ROBO1: variants seen among roughly 807,000 people sequenced by gnomAD.
ROBO1 encodes roundabout homolog 1.
A neutral mutation model predicts 195.9 loss-of-function variants in ROBO1; 149 were observed. That is an observed-to-expected ratio of 0.76 (90% CI 0.67 to 0.87). ROBO1 has a LOEUF of 0.87. Ranked by LOEUF, ROBO1 falls within the 40% of genes least tolerant of loss-of-function variation. ROBO1 has a pLI of 0.00. For missense variants in ROBO1, 1,933 were observed against 2,068.3 expected (o/e 0.93, Z 1.27); for synonymous variants, 816 against 733.2 (o/e 1.11, Z -1.82).
At chr3:79,106,933 C>T (rs1033221544) in intron 3 of ROBO1, among the ~76,000 whole-genome samples, 69 of 151,572 alleles carry the variant, frequency 4.6e-4, no homozygotes, top group South Asian at 2.1e-4. Context: ...AATCTATCTC[C>T]GCTCATTGTG....
intron 4 of ROBO1, among the ~76,000 whole-genome samples, chr3:78,878,851 A>G (rs1398761999): frequency 6.6e-6 from 1 of 152,186 alleles, no homozygotes; most frequent in East Asian, 1.9e-4. Flanking sequence ...AGTCTAGGTA[A>G]AAAGTACCTA....
At chr3:79,280,204 T>C (rs1355578992) in intron 2 of ROBO1, among the ~76,000 whole-genome samples, 2 of 152,146 alleles carry the variant, frequency 1.3e-5, no homozygotes, top group Admixed American at 6.5e-5. Context: ...AACAGTATTA[T>C]GTAGTTTTAA....
chr3:79,407,248 T>C (rs2037584446), intron 2 of ROBO1, among the ~76,000 whole-genome samples: 2 of 152,270 alleles, frequency 1.3e-5, no homozygotes, highest in East Asian at 1.9e-4. Context: ...ATCTTAAAAT[T>C]TGACATTACA....
At chr3:78,827,349 T>C (rs1025937397) in intron 4 of ROBO1, among the ~76,000 whole-genome samples, 2 of 152,188 alleles carry the variant, frequency 1.3e-5, no homozygotes, top group Non-Finnish European at 2.9e-5. Flanking sequence ...ACCATAATAC[T>C]TTGTTTCTAA....
In ROBO1 at chr3:78,782,519, C is replaced by T. The variant is rs138203131; in HGVS notation, c.500-35619G>A. 2.5e-4 allele frequency among the ~76,000 whole-genome samples: 38 copies of T among 152,108 alleles called. No homozygotes were observed. The East Asian group carries it at 5.2e-3, about 21-fold the overall frequency. On this transcript the variant is annotated intron_variant, in intron 4 of 30. Transcript: ENST00000464233. ...GCCCATAAATTGAAATTCTTAATGT[C>T]GCTTCCAAGCACCTTTAGTTTCTCT...
chr3:79,548,464 A>T (rs909350577), intron 2 of ROBO1, among the ~76,000 whole-genome samples: 58 of 152,208 alleles, frequency 3.8e-4, no homozygotes, highest in Non-Finnish European at 2.5e-4. Context: ...GTTAAAGTGG[A>T]ACCACACTGA....
rs141281139 is a variant in ROBO1, at chr3:78,755,646, G to C, written c.500-8746C>G. ...AAAAATCAAAATGATTTATTGAAGG[G>C]CTGAAGTTGACAGAGAAAGACATTA... On this transcript the variant is annotated intron_variant, in intron 4 of 30. Transcript: ENST00000464233. Among the ~76,000 whole-genome samples, 3 of 152,256 alleles carry C rather than the reference G, an allele frequency of 2.0e-5. No individual in the cohort carries two copies. The East Asian group carries it at 5.8e-4, about 29-fold the overall frequency.
At chr3:79,109,018 T>C (rs1436276824) in intron 3 of ROBO1, among the ~76,000 whole-genome samples, 2 of 151,974 alleles carry the variant, frequency 1.3e-5, no homozygotes, top group Admixed American at 1.3e-4. Context: ...CTTTCTTTTT[T>C]TTTAAAACAG....
At chr3:79,075,623 GGT>G (rs2079159393) in intron 3 of ROBO1, among the ~76,000 whole-genome samples, 1 of 151,694 alleles carries the variant, frequency 6.6e-6, no homozygotes, top group Non-Finnish European at 1.5e-5. Context: ...GAGTGGAGGC[GGT>G]GTGCTAGAAG....
At chr3:79,089,536 T>C (rs2079437362) in intron 3 of ROBO1, among the ~76,000 whole-genome samples, 1 of 152,176 alleles carries the variant, frequency 6.6e-6, no homozygotes, top group South Asian at 2.1e-4. Flanking sequence ...ATTATCATGC[T>C]GTTGAGATTA....
At chr3:78,890,117 A>G (rs896716527) in intron 4 of ROBO1, among the ~76,000 whole-genome samples, 1 of 152,094 alleles carries the variant, frequency 6.6e-6, no homozygotes, top group Non-Finnish European at 1.5e-5. Context: ...TTCCCATTAC[A>G]GTATAAGATT....
chr3:78,631,777 T>C (rs910618819), intron 24 of ROBO1, among the ~76,000 whole-genome samples: 4 of 152,232 alleles, frequency 2.6e-5, no homozygotes, highest in Non-Finnish European at 5.9e-5. Flanking sequence ...ATGAAATTAC[T>C]AGTTCCCTTC....
intron 4 of ROBO1, among the ~76,000 whole-genome samples, chr3:78,867,021 T>C (rs997120580): frequency 2.0e-5 from 3 of 152,216 alleles, no homozygotes; most frequent in African/African-American, 7.2e-5. Context: ...GTTTGCCATT[T>C]GTATTTGAAA....
At chr3:79,265,671 TTTC>T (rs1305460698) in intron 2 of ROBO1, among the ~76,000 whole-genome samples, 1 of 151,508 alleles carries the variant, frequency 6.6e-6, no homozygotes. Context: ...TGAAAAAAGT[TTTC>T]TTCATTTTTC....
chr3:79,277,618 G>C (rs937969709), intron 2 of ROBO1, among the ~76,000 whole-genome samples: 11 of 151,928 alleles, frequency 7.2e-5, no homozygotes, highest in African/African-American at 2.7e-4. Context: ...ATAATTAAGA[G>C]TATAATTGGA....
intron 2 of ROBO1, among the ~76,000 whole-genome samples, chr3:79,354,415 A>G (rs1485111930): frequency 2.6e-5 from 4 of 152,158 alleles, no homozygotes; most frequent in Non-Finnish European, 4.4e-5. Context: ...TAAAGGCCTA[A>G]TTTACCATGC....
intron 2 of ROBO1, among the ~76,000 whole-genome samples, chr3:79,479,642 A>G (rs1466797958): frequency 6.6e-6 from 1 of 152,224 alleles, no homozygotes; most frequent in East Asian, 1.9e-4. Context: ...CATGATGGGT[A>G]ATGGATATAG....
chr3:78,827,790 C>G (rs1559897778), intron 4 of ROBO1, among the ~76,000 whole-genome samples: 1 of 152,120 alleles, frequency 6.6e-6, no homozygotes, highest in African/African-American at 2.4e-5. Flanking sequence ...GAACTTCAGT[C>G]CTTTTCTCTT....
intron 1 of ROBO1, among the ~76,000 whole-genome samples, chr3:79,741,262 G>A (rs546860713): frequency 7.2e-5 from 11 of 152,246 alleles, no homozygotes; most frequent in African/African-American, 1.7e-4. Flanking sequence ...TGGTGTTAAC[G>A]ATTATATCCA....
Sources: gnomAD v4.1 joint callset for allele counts (sites outside exome capture counted in the v4.1 genomes callset) on GRCh38, gnomAD v4.1.1 for gene constraint, MANE v1.5 for transcripts, NCBI Gene and HGNC (gene_info 2026-07-23, HGNC 2026-07-21) for gene names.